The following RNF32 variants were observed in gnomAD, a reference collection of about 807,000 sequenced individuals.
The protein encoded by RNF32 is ring finger protein 32.
Under a neutral mutation model 41.0 loss-of-function variants are expected in RNF32, and 36 were observed. The observed-to-expected ratio is 0.88, with a 90% CI of 0.67 to 1.16. The LOEUF is 1.16. Ranked by LOEUF, RNF32 falls within the 50% of genes most tolerant of loss-of-function variation. The pLI is 0.00. For missense variants in RNF32, 413 were observed against 436.7 expected, an observed-to-expected ratio of 0.95 and a Z score of 0.48; for synonymous variants, 154 against 160.9, an observed-to-expected ratio of 0.96 and a Z score of 0.32.
intron 7 of RNF32, among the ~76,000 whole-genome samples, chr7:156,664,245 T>G (rs1801038725): frequency 6.6e-6 from 1 of 152,190 alleles, no homozygotes; most frequent in Non-Finnish European, 1.5e-5. Flanking sequence ...GGGCATCACG[T>G]GAGGTCGGGA....
At chr7:156,640,602 A>G (rs139272037), upstream of RNF32, 246 of 403,168 alleles carry the variant, frequency 6.1e-4, no homozygotes, top group Non-Finnish European at 1.1e-3. Flanking sequence ...TGGTGTGGAC[A>G]GGGCGTGGTT....
intron 4 of RNF32, among the ~76,000 whole-genome samples, chr7:156,656,722 CAA>C (rs1799732319): frequency 6.6e-6 from 1 of 152,226 alleles, no homozygotes; most frequent in Non-Finnish European, 1.5e-5. Context: ...TGTGGTCACC[CAA>C]GTCAGATTCT....
At chr7:156,662,996 C>A (rs776336310) in intron 7 of RNF32, among the ~76,000 whole-genome samples, 4 of 151,900 alleles carry the variant, frequency 2.6e-5, no homozygotes, top group Non-Finnish European at 4.4e-5. Flanking sequence ...TACAGGCGCC[C>A]ACCACCATGC....
At chr7:156,656,990 A>G (rs1464885099) in intron 4 of RNF32, among the ~76,000 whole-genome samples, 1 of 152,158 alleles carries the variant, frequency 6.6e-6, no homozygotes, top group Non-Finnish European at 1.5e-5. Flanking sequence ...TTAGTGGGGA[A>G]TTTGGGTCAC....
chr7:156,674,366 GGT>G (rs1469638720), intron 7 of RNF32, among the ~76,000 whole-genome samples: 3 of 152,216 alleles, frequency 2.0e-5, no homozygotes, highest in Admixed American at 2.0e-4. Context: ...GTCATCTCTG[GGT>G]GAGCCACAGC....
At chr7:156,659,379 A>G in intron 7 of RNF32, 1 of 986,202 alleles carries the variant, frequency 1.0e-6, no homozygotes, top group Non-Finnish European at 1.2e-6. Context: ...TCTGATCTTC[A>G]GAGATCATTC....
At chr7:156,674,241 C>G (rs1803290052) in intron 7 of RNF32, among the ~76,000 whole-genome samples, 1 of 152,236 alleles carries the variant, frequency 6.6e-6, no homozygotes, top group Non-Finnish European at 1.5e-5. Flanking sequence ...CTGTCTCCCT[C>G]TGCCCTTTAT....
chr7:156,640,736 C>A (rs1373140606), upstream of RNF32: 6 of 272,194 alleles, frequency 2.2e-5, no homozygotes, highest in Admixed American at 3.5e-4. Context: ...GCTACGGCAA[C>A]GGTGGGCGGC....
At position 156,644,467 on chromosome 7, in the gene RNF32, C is replaced by T. The variant is rs759590711; in HGVS notation, c.16-32C>T. On this transcript the variant is annotated intron_variant, in intron 2 of 8. Transcript: ENST00000317955. Reference sequence around the variant, plus strand: ...TCTAAATGATATATTACATAATACTCCTCTAAATATGACTTTTTTCCTACT... The same window carrying T: ...TCTAAATGATATATTACATAATACTTCTCTAAATATGACTTTTTTCCTACT... 1.9e-5 allele frequency: 29 copies of T among 1,538,922 alleles called. No individual in the cohort carries two copies. In the East Asian group the frequency reaches 3.6e-4, roughly 19 times the overall value.
intron 3 of RNF32, among the ~76,000 whole-genome samples, chr7:156,651,249 T>C (rs1249722068): frequency 3.3e-5 from 5 of 151,358 alleles, no homozygotes; most frequent in Admixed American, 6.6e-5. Context: ...AGTCTTGCTC[T>C]GATGCCCAGG....
In RNF32 at chr7:156,659,056, C is replaced by A; in HGVS notation, c.684+486C>A. On this transcript the variant is annotated intron_variant, in intron 7 of 8. Transcript: ENST00000317955. ...AGAGCTAACTTCCATGTCTACCCTT[C>A]CTCTTAACCACTATTTATGCTTTAG... 17 of 1,397,552 alleles carry A rather than the reference C, an allele frequency of 1.2e-5. 1 individual carries two copies. Among genetic ancestry groups the A allele is most frequent in the Non-Finnish European group, 1.4e-5 (15 of 1,085,540 alleles). The allele number at this position is 1,397,552 out of a possible 1,614,324, so 86.6% of individuals were successfully genotyped here.
Position 156,672,800 on chromosome 7 carries a change from T to C in RNF32, c.685-2896T>C, listed in dbSNP as rs549917858. On this transcript the variant is annotated intron_variant, in intron 7 of 8. Transcript: ENST00000317955. ...GCTTCTGAAAGCGCACGCACAGCGA[T>C]ACCCATGCTTGGAGTTGGGAGGTGA... Among the ~76,000 whole-genome samples the C allele has an allele frequency of 2.3e-4, 35 of 152,372 alleles. No homozygotes were observed. In the South Asian group the frequency reaches 6.6e-3, roughly 29 times the overall value.
intron 1 of RNF32, among the ~76,000 whole-genome samples, chr7:156,643,410 A>G (rs1030353368): frequency 6.6e-6 from 1 of 152,070 alleles, no homozygotes; most frequent in Non-Finnish European, 1.5e-5. Context: ...CTTTCCTCCT[A>G]CCTGTAATGT....
intron 3 of RNF32, 126 bp downstream of exon 3, chr7:156,644,883 T>C: frequency 5.1e-6 from 5 of 981,502 alleles, no homozygotes; most frequent in Non-Finnish European, 5.9e-6. Context: ...TGTGTATGTA[T>C]TGAAGGTATG....
At chr7:156,675,054 T>C (rs899269164) in intron 7 of RNF32, among the ~76,000 whole-genome samples, 2 of 152,238 alleles carry the variant, frequency 1.3e-5, no homozygotes, top group African/African-American at 2.4e-5. Flanking sequence ...CGGATTTACT[T>C]AGTAAGTCCC....
At chr7:156,659,375 C>T in intron 7 of RNF32, 2 of 986,168 alleles carry the variant, frequency 2.0e-6, no homozygotes, top group Non-Finnish European at 2.4e-6. Flanking sequence ...TGTCTCTGAT[C>T]TTCAGAGATC....
chr7:156,655,302 A>G (rs1322905436), intron 4 of RNF32, among the ~76,000 whole-genome samples: 1 of 151,536 alleles, frequency 6.6e-6, no homozygotes, highest in Non-Finnish European at 1.5e-5. Flanking sequence ...ATAGAGAGAG[A>G]GAGAGAGAAT....
At chr7:156,650,710 G>A (rs1210742331) in intron 3 of RNF32, among the ~76,000 whole-genome samples, 1 of 152,234 alleles carries the variant, frequency 6.6e-6, no homozygotes, top group African/African-American at 2.4e-5. Flanking sequence ...CCAAGTCTAA[G>A]AGGAAGGGTG....
At chr7:156,641,851 C>T (rs761906370) in intron 1 of RNF32, among the ~76,000 whole-genome samples, 1 of 152,044 alleles carries the variant, frequency 6.6e-6, no homozygotes, top group African/African-American at 2.4e-5. Context: ...TGATGAGATA[C>T]AGGGTGGAAC....
Sources: gnomAD v4.1 joint callset for allele counts (sites outside exome capture counted in the v4.1 genomes callset) on GRCh38, gnomAD v4.1.1 for gene constraint, MANE v1.5 for transcripts, NCBI Gene and HGNC (gene_info 2026-07-23, HGNC 2026-07-21) for gene names.